Variants in ARID1B observed in about 807,000 individuals in gnomAD.
The protein encoded by ARID1B is AT-rich interaction domain 1B.
Under a neutral mutation model 212.3 loss-of-function variants are expected in ARID1B, and 30 were observed. The ratio of observed to expected loss-of-function variants is 0.14; its 90% CI spans 0.11 to 0.19. ARID1B has a LOEUF of 0.19. ARID1B is among the 10% of genes least tolerant of loss of function. The pLI, the probability that ARID1B is intolerant of heterozygous loss-of-function variation, is 1.00. For missense variants in ARID1B, 2,891 were observed against 3,204.0 expected, an observed-to-expected ratio of 0.90 and a Z score of 2.36; for synonymous variants, 1,402 against 1,301.7, an observed-to-expected ratio of 1.08 and a Z score of -1.66.
At chr6:156,898,403 G>A (rs556032892) in intron 2 of ARID1B, among the ~76,000 whole-genome samples, 2 of 152,112 alleles carry the variant, frequency 1.3e-5, no homozygotes, top group Non-Finnish European at 2.9e-5. Context: ...GCCTAACTGG[G>A]TTCAGGTGGG....
At chr6:157,108,956 T>C (rs151064548) in intron 5 of ARID1B, among the ~76,000 whole-genome samples, 4 of 152,242 alleles carry the variant, frequency 2.6e-5, no homozygotes, top group Non-Finnish European at 5.9e-5. Context: ...CATAAACAAG[T>C]TTTGCATTCT....
intron 13 of ARID1B, among the ~76,000 whole-genome samples, chr6:157,188,071 A>T (rs1274756379): frequency 6.6e-6 from 1 of 152,156 alleles, no homozygotes; most frequent in Non-Finnish European, 1.5e-5. Context: ...GTTTGTAAGT[A>T]TGAGTGAATA....
chr6:156,819,191 C>T (rs1286899484), intron 1 of ARID1B, among the ~76,000 whole-genome samples: 1 of 152,162 alleles, frequency 6.6e-6, no homozygotes, highest in African/African-American at 2.4e-5. Flanking sequence ...CATATTATTT[C>T]TCCTTCTTAA....
At chr6:156,913,217 CT>C (rs372967890) in intron 3 of ARID1B, among the ~76,000 whole-genome samples, 25,222 of 128,626 alleles carry the variant, frequency 0.2, 1,732 homozygotes, top group African/African-American at 0.22. Flanking sequence ...TTTTCTTTTT[CT>C]TTTTTTTTTT....
At chr6:156,804,781 C>T (rs1031339999) in intron 1 of ARID1B, among the ~76,000 whole-genome samples, 1 of 145,760 alleles carries the variant, frequency 6.9e-6, no homozygotes, top group African/African-American at 2.6e-5. Context: ...ATCATATCAA[C>T]GTATCATGAA....
chr6:156,922,318 G>A (rs759165742), intron 3 of ARID1B, among the ~76,000 whole-genome samples: 55 of 152,000 alleles, frequency 3.6e-4, no homozygotes, highest in Non-Finnish European at 3.1e-4. Flanking sequence ...GGTTACAGGT[G>A]CATGCCACCG....
intron 5 of ARID1B, among the ~76,000 whole-genome samples, chr6:157,105,530 A>G (rs1786401319): frequency 6.6e-6 from 1 of 152,212 alleles, no homozygotes; most frequent in African/African-American, 2.4e-5. Context: ...TTCACAAGGA[A>G]AGATATTAAA....
intron 1 of ARID1B, among the ~76,000 whole-genome samples, chr6:156,814,292 G>A (rs1380807248): frequency 6.6e-6 from 1 of 152,038 alleles, no homozygotes; most frequent in Non-Finnish European, 1.5e-5. Flanking sequence ...GGTGGCACGC[G>A]CCTATGGTCC....
rs573560837 is a variant in ARID1B at position 156,893,077 on chromosome 6, C to T, written c.1987-8299C>T. Among the ~76,000 whole-genome samples, 96 of 101,050 alleles carry T rather than the reference C, an allele frequency of 9.5e-4. 1 individual carries two copies. The highest frequency in any genetic ancestry group is 4.8e-3 in the African/African-American group (94 of 19,738). The allele number at this position is 101,050 out of a possible 152,430, so 66.3% of individuals were successfully genotyped here. A position where few individuals can be genotyped will look rare whatever the true frequency, so the allele number is the denominator to read the frequency against. On this transcript the variant is annotated intron_variant, in intron 2 of 19. Coordinates refer to ENST00000636930, the MANE Select transcript of ARID1B (RefSeq NM_001374828.1). The stretch of plus-strand genomic sequence containing the variant: ...TTTTTTTTTGAGATGGAGTCTTGCC[C>T]TGTCACCCAGGCTGGAGTGCAGTGG...
intron 13 of ARID1B, among the ~76,000 whole-genome samples, chr6:157,187,138 A>T (rs1294423389): frequency 1.3e-5 from 2 of 152,184 alleles, no homozygotes; most frequent in Non-Finnish European, 2.9e-5. Context: ...GTTATAAAGC[A>T]TCTAGAAAAG....
chr6:156,818,748 G>GT (rs1350505193), intron 1 of ARID1B, among the ~76,000 whole-genome samples: 3 of 152,168 alleles, frequency 2.0e-5, no homozygotes, highest in African/African-American at 7.2e-5. Flanking sequence ...AATTCTGATA[G>GT]TTGACACAAC....
chr6:157,044,787 A>G (rs1220871163), intron 4 of ARID1B, among the ~76,000 whole-genome samples: 2 of 152,186 alleles, frequency 1.3e-5, no homozygotes, highest in Non-Finnish European at 2.9e-5. Context: ...AAATTCAAAT[A>G]TCATTTCTTC....
intron 8 of ARID1B, among the ~76,000 whole-genome samples, chr6:157,158,841 A>G (rs1790734160): frequency 6.6e-6 from 1 of 152,200 alleles, no homozygotes. Context: ...TGATCTCAAG[A>G]TAAACTTTTT....
chr6:156,823,688 G>GTTTTTTTTTTTTTTTT (rs56983474), intron 1 of ARID1B, among the ~76,000 whole-genome samples: 2 of 118,028 alleles, frequency 1.7e-5, no homozygotes, highest in Non-Finnish European at 3.5e-5. Context: ...TTTCTTTGTT[G>GTTTTTTTTTTTTTTTT]TTTTTTTTTT....
At chr6:157,012,189 C>T (rs1779654438) in intron 4 of ARID1B, among the ~76,000 whole-genome samples, 1 of 152,014 alleles carries the variant, frequency 6.6e-6, no homozygotes, top group South Asian at 2.1e-4. Flanking sequence ...GAAAATTATC[C>T]CAGAAGGAAT....
chr6:156,976,460 C>G (rs928150445), intron 4 of ARID1B: 1 of 168,530 alleles, frequency 5.9e-6, no homozygotes, highest in Non-Finnish European at 1.3e-5. Context: ...TGCAAGAGAC[C>G]CCGGTGACTC....
intron 3 of ARID1B, among the ~76,000 whole-genome samples, chr6:156,913,008 C>A (rs1790018707): frequency 6.9e-6 from 1 of 145,004 alleles, no homozygotes; most frequent in Non-Finnish European, 1.5e-5. Context: ...TGAAATGGCT[C>A]TTTTCATACT....
intron 3 of ARID1B, among the ~76,000 whole-genome samples, chr6:156,914,412 C>T (rs2128230934): frequency 6.6e-6 from 1 of 152,368 alleles, no homozygotes; most frequent in African/African-American, 2.4e-5. Context: ...CTCCTCGGAG[C>T]ACCTGTCTTG....
chr6:157,109,172 T>C (rs1006948800), intron 5 of ARID1B, among the ~76,000 whole-genome samples: 2 of 152,132 alleles, frequency 1.3e-5, no homozygotes, highest in African/African-American at 2.4e-5. Context: ...AGACCCATCT[T>C]GTAGAACCAC....
Sources: gnomAD v4.1 joint callset for allele counts (sites outside exome capture counted in the v4.1 genomes callset) on GRCh38, gnomAD v4.1.1 for gene constraint, MANE v1.5 for transcripts, NCBI Gene and HGNC (gene_info 2026-07-23, HGNC 2026-07-21) for gene names.